Variants in MAPT observed in about 807,000 individuals in gnomAD.
MAPT encodes microtubule-associated protein tau.
In MAPT, 34 loss-of-function variants were observed where a neutral mutation model predicts 67.9. The observed-to-expected ratio is 0.50, with a 90% CI of 0.38 to 0.67. The LOEUF is 0.67. Among genes scored for constraint, MAPT ranks in the 30% least tolerant of loss-of-function variants. MAPT has a pLI of 0.00. For missense variants in MAPT, 881 were observed against 1,115.2 expected (o/e 0.79, Z 2.99); for synonymous variants, 456 against 464.5 (o/e 0.98, Z 0.23).
At chr17:45,901,246 C>T (rs2063590826) in intron 1 of MAPT, among the ~76,000 whole-genome samples, 1 of 152,222 alleles carries the variant, frequency 6.6e-6, no homozygotes, top group Non-Finnish European at 1.5e-5. Flanking sequence ...GCATGCTCTC[C>T]ACCAGCCCAA....
chr17:45,983,839 CA>C lies in MAPT; in HGVS notation c.1261del (p.Thr421GlnfsTer59). ...EARGPSLGEDTKEADLPEPSE... is the reference protein window; with the variant it reads ...EARGPSLGEDXKEADLPEPSE... ...CCCGGGGCCCCTCTTTGGGAGAGGACACAAAAGAGGCTGACCTTCCAGAGCC... is the reference window on the plus strand; with the variant it reads ...CCCGGGGCCCCTCTTTGGGAGAGGACCAAAAGAGGCTGACCTTCCAGAGCC... On this transcript the variant is annotated frameshift_variant, in exon 5 of 13. Coordinates refer to ENST00000262410, the MANE Select transcript of MAPT (RefSeq NM_001377265.1). LOFTEE classifies it high-confidence loss of function. 3 of 1,611,198 alleles carry C rather than the reference CA, an allele frequency of 1.9e-6. No homozygotes were observed. Among genetic ancestry groups the C allele is most frequent in the Non-Finnish European group, 2.5e-6 (3 of 1,179,410 alleles).
intron 1 of MAPT, among the ~76,000 whole-genome samples, chr17:45,960,111 A>G (rs947169791): frequency 5.9e-5 from 9 of 152,380 alleles, no homozygotes; most frequent in Admixed American, 5.2e-4. Context: ...CCGCGGATTC[A>G]TGAAAACAGA....
chr17:45,901,708 C>A (rs914601027), intron 1 of MAPT, among the ~76,000 whole-genome samples: 2 of 152,066 alleles, frequency 1.3e-5, no homozygotes, highest in African/African-American at 4.8e-5. Context: ...TTACTTTAAC[C>A]GAAACTATAT....
intron 1 of MAPT, among the ~76,000 whole-genome samples, chr17:45,951,539 C>G (rs1327698256): frequency 1.3e-5 from 2 of 152,092 alleles, no homozygotes; most frequent in African/African-American, 2.4e-5. Context: ...CTCTCTCTCT[C>G]TCAACCCTGC....
chr17:45,912,909 C>T (rs796355806), intron 1 of MAPT, among the ~76,000 whole-genome samples: 10 of 152,270 alleles, frequency 6.6e-5, no homozygotes, highest in African/African-American at 1.7e-4. Context: ...ACAGTACCAC[C>T]GAACCAATTT....
intron 6 of MAPT, among the ~76,000 whole-genome samples, chr17:45,989,439 A>G (rs2073878919): frequency 6.6e-6 from 1 of 152,140 alleles, no homozygotes; most frequent in South Asian, 2.1e-4. Flanking sequence ...TCACGAGGTC[A>G]GGAGATCGAG....
At chr17:46,017,647 C>T (rs1470611886) in intron 11 of MAPT, among the ~76,000 whole-genome samples, 11 of 148,168 alleles carry the variant, frequency 7.4e-5, no homozygotes, top group African/African-American at 2.2e-4. Context: ...TTAGTAGAGA[C>T]GAGGTTTCAC....
intron 1 of MAPT, among the ~76,000 whole-genome samples, chr17:45,903,178 G>A (rs967099385): frequency 5.3e-5 from 8 of 152,160 alleles, no homozygotes; most frequent in African/African-American, 1.9e-4. Context: ...TCATGGAACC[G>A]TGGGACGGTG....
rs1021413966 is a variant in MAPT at position 45,974,634 on chromosome 17, C to T, written c.220+2689C>T. The T allele has an allele frequency of 1.3e-5, 8 of 625,818 alleles. No homozygotes were observed. The African/African-American group carries it at 1.5e-4, about 11-fold the overall frequency. 38.8% of individuals were successfully genotyped at this position (625,818 alleles called of 1,614,324 possible). ...ATCTTGGGTTGTGAGTAGCTCGATGCCTTGGTGCTCAGTTACCTCCCTGGC... is the reference window on the plus strand; with the variant it reads ...ATCTTGGGTTGTGAGTAGCTCGATGTCTTGGTGCTCAGTTACCTCCCTGGC... On this transcript the variant is annotated intron_variant, in intron 3 of 12. Transcript: ENST00000262410.
At chr17:46,014,160 A>G (rs2076003952) in intron 10 of MAPT, 83 bp from the exon 11 acceptor site, 1 of 815,330 alleles carries the variant, frequency 1.2e-6, no homozygotes, top group South Asian at 1.4e-5. Context: ...CCTTAATAAA[A>G]TAATCCCATT....
chr17:45,944,428 G>A (rs1340114456), intron 1 of MAPT, among the ~76,000 whole-genome samples: 1 of 152,208 alleles, frequency 6.6e-6, no homozygotes, highest in Non-Finnish European at 1.5e-5. Flanking sequence ...GCTGGATATG[G>A]TGCATTCCAG....
chr17:45,986,928 C>A, intron 5 of MAPT, 112 bp from the exon 6 acceptor site: 1 of 892,862 alleles, frequency 1.1e-6, no homozygotes, highest in Non-Finnish European at 1.8e-6. Flanking sequence ...TCCACCAGAC[C>A]CAACTAAACA....
intron 1 of MAPT, among the ~76,000 whole-genome samples, chr17:45,934,505 C>A (rs973836775): frequency 6.6e-6 from 1 of 151,998 alleles, no homozygotes; most frequent in Non-Finnish European, 1.5e-5. Flanking sequence ...TGGACAGTTG[C>A]CCAAATGGTA....
At chr17:46,020,151 G>A (rs1375886232) in intron 12 of MAPT, among the ~76,000 whole-genome samples, 3 of 152,120 alleles carry the variant, frequency 2.0e-5, no homozygotes. Flanking sequence ...TTCTAAATGG[G>A]TTACTAGGCA....
At position 45,904,225 on chromosome 17, in the gene MAPT, T is replaced by C. The variant is rs866222083; in HGVS notation, c.-18+9539T>C. 6.1e-3 allele frequency among the ~76,000 whole-genome samples: 296 copies of C among 48,858 alleles called. 13 individuals carry two copies. The highest frequency in any genetic ancestry group is 0.02 in the African/African-American group (285 of 14,148). The allele number at this position is 48,858 out of a possible 152,430, so 32.1% of individuals were successfully genotyped here. ...TATCTAATATATTATATATATTATA[T>C]ATATTATATATTATAATATATATTA... On this transcript the variant is annotated intron_variant, in intron 1 of 12. Coordinates refer to ENST00000262410, the MANE Select transcript of MAPT (RefSeq NM_001377265.1).
At chr17:45,905,423 C>T (rs1210729369) in intron 1 of MAPT, among the ~76,000 whole-genome samples, 1 of 152,084 alleles carries the variant, frequency 6.6e-6, no homozygotes, top group Non-Finnish European at 1.5e-5. Context: ...TGAAATAAAT[C>T]CCTTTCAATG....
intron 1 of MAPT, among the ~76,000 whole-genome samples, chr17:45,920,272 C>T (rs1022582479): frequency 1.3e-5 from 2 of 152,358 alleles, no homozygotes; most frequent in African/African-American, 4.8e-5. Context: ...GCAATGTTGA[C>T]CAGCTGCCTG....
Position 46,024,474 on chromosome 17 carries a change from CTT to C in MAPT, c.*308_*309del. On this transcript the variant is annotated 3_prime_UTR_variant, in exon 13 of 13. Coordinates refer to ENST00000262410, the MANE Select transcript of MAPT (RefSeq NM_001377265.1). ...TTTCCTCAGGCAATTCCTTTTGATT[CTT>C]TTTTCTTCCCCCTCCATGTAGAAGA... 1 of 481,766 alleles carries C rather than the reference CTT, an allele frequency of 2.1e-6. No homozygotes were observed. The highest frequency in any genetic ancestry group is 3.8e-6 in the Non-Finnish European group (1 of 263,290). The allele number at this position is 481,766 out of a possible 1,614,324, so 29.8% of individuals were successfully genotyped here.
intron 1 of MAPT, among the ~76,000 whole-genome samples, chr17:45,958,405 A>G (rs1450176524): frequency 6.6e-6 from 1 of 152,232 alleles, no homozygotes; most frequent in Non-Finnish European, 1.5e-5. Flanking sequence ...ATAAGCACTG[A>G]GACCTGAACA....
Sources: allele counts gnomAD v4.1 joint callset (sites outside exome capture counted in the v4.1 genomes callset), GRCh38; gene constraint gnomAD v4.1.1; transcripts MANE v1.5; gene names NCBI Gene and HGNC (gene_info 2026-07-23, HGNC 2026-07-21).